The following ZNF385D variants were observed in gnomAD, a reference collection of about 807,000 sequenced individuals.
ZNF385D encodes zinc finger protein 659.
ZNF385D carries 15 observed loss-of-function variants against 35.8 expected under a neutral mutation model. The observed-to-expected ratio is 0.42, with a 90% CI of 0.28 to 0.64. The LOEUF (loss-of-function observed/expected upper bound fraction) is 0.64. ZNF385D is among the 30% of genes least tolerant of loss of function. The probability of loss-of-function intolerance (pLI) is 0.23; values close to 1 mark genes in which losing one functional copy is unlikely to be tolerated. For missense variants in ZNF385D, 474 were observed against 494.6 expected (o/e 0.96, Z 0.39); for synonymous variants, 212 against 186.8 (o/e 1.13, Z -1.10).
At chr3:22,232,088 C>T (rs1698927214) in intron 2 of ZNF385D, among the ~76,000 whole-genome samples, 1 of 152,132 alleles carries the variant, frequency 6.6e-6, no homozygotes, top group Non-Finnish European at 1.5e-5. Context: ...ATAAATTACA[C>T]AGTCTTAGGT....
chr3:22,083,075 T>A (rs2125586643), intron 3 of ZNF385D, among the ~76,000 whole-genome samples: 1 of 152,216 alleles, frequency 6.6e-6, no homozygotes, highest in East Asian at 1.9e-4. Context: ...CATCTGTAGG[T>A]CACCATCATC....
intron 3 of ZNF385D, among the ~76,000 whole-genome samples, chr3:21,876,345 G>A (rs1436154370): frequency 6.6e-6 from 1 of 151,250 alleles, no homozygotes; most frequent in African/African-American, 2.4e-5. Flanking sequence ...GGTCAAAACG[G>A]TATGGATATA....
chr3:21,585,185 A>G (rs2063775093), intron 2 of ZNF385D, among the ~76,000 whole-genome samples: 1 of 152,222 alleles, frequency 6.6e-6, no homozygotes, highest in Non-Finnish European at 1.5e-5. Context: ...TTGCAGGTAA[A>G]GGATTATTGT....
chr3:21,628,176 T>A (rs565297311), intron 2 of ZNF385D, among the ~76,000 whole-genome samples: 2 of 152,220 alleles, frequency 1.3e-5, no homozygotes, highest in South Asian at 4.1e-4. Context: ...ATAGGAAACC[T>A]GGAGCTAAAA....
At chr3:21,943,229 G>A (rs942479969) in intron 3 of ZNF385D, among the ~76,000 whole-genome samples, 5 of 151,738 alleles carry the variant, frequency 3.3e-5, no homozygotes, top group African/African-American at 1.2e-4. Context: ...TTATAAAAGC[G>A]ACTAGTAAAT....
chr3:21,872,195 G>C (rs906562165), intron 3 of ZNF385D, among the ~76,000 whole-genome samples: 1 of 151,514 alleles, frequency 6.6e-6, no homozygotes, highest in African/African-American at 2.4e-5. Flanking sequence ...CACAAAAACA[G>C]AACAGAAATT....
intron 3 of ZNF385D, among the ~76,000 whole-genome samples, chr3:22,141,568 C>T (rs1411048593): frequency 6.6e-6 from 1 of 152,090 alleles, no homozygotes; most frequent in Non-Finnish European, 1.5e-5. Context: ...GGACTTCAGC[C>T]TTAAGGGTCT....
chr3:22,031,357 T>A (rs572980522), intron 3 of ZNF385D, among the ~76,000 whole-genome samples: 1 of 152,186 alleles, frequency 6.6e-6, no homozygotes, highest in East Asian at 1.9e-4. Context: ...TGTCTGGACA[T>A]CCAGGTATTT....
intron 3 of ZNF385D, among the ~76,000 whole-genome samples, chr3:22,154,450 C>G (rs1426102328): frequency 1.3e-5 from 2 of 152,118 alleles, no homozygotes; most frequent in African/African-American, 4.8e-5. Context: ...CGTAAGAAAA[C>G]AGAAGAAAAT....
intron 3 of ZNF385D, among the ~76,000 whole-genome samples, chr3:21,810,835 T>A (rs1035827882): frequency 2.0e-4 from 31 of 152,058 alleles, no homozygotes; most frequent in Middle Eastern, 3.4e-3. Flanking sequence ...TGAGTATACA[T>A]TCCTGGTAGA....
chr3:22,217,115 A>T (rs186442379), intron 2 of ZNF385D, among the ~76,000 whole-genome samples: 64 of 152,296 alleles, frequency 4.2e-4, no homozygotes, highest in African/African-American at 1.5e-3. Flanking sequence ...AAGGACAGTG[A>T]ATTTGCAAGA....
At chr3:21,865,923 G>A in intron 3 of ZNF385D, among the ~76,000 whole-genome samples, 1 of 151,904 alleles carries the variant, frequency 6.6e-6, no homozygotes. Context: ...CTGTGATAAT[G>A]CGAAGGACAC....
chr3:21,683,695 T>C (rs1251356170), intron 1 of ZNF385D, among the ~76,000 whole-genome samples: 2 of 149,972 alleles, frequency 1.3e-5, no homozygotes, highest in African/African-American at 2.5e-5. Context: ...CTCCGGCTGG[T>C]TGCAGAAGCA....
intron 2 of ZNF385D, among the ~76,000 whole-genome samples, chr3:22,176,018 C>G (rs999355332): frequency 1.3e-5 from 2 of 151,232 alleles, no homozygotes; most frequent in African/African-American, 4.9e-5. Context: ...AAATAGTTCA[C>G]AAGCTGTAAA....
At chr3:21,759,586 A>G (rs1200537537) in intron 3 of ZNF385D, among the ~76,000 whole-genome samples, 2 of 152,150 alleles carry the variant, frequency 1.3e-5, no homozygotes, top group Admixed American at 1.3e-4. Context: ...CAATAACATG[A>G]GTTAATACAT....
intron 3 of ZNF385D, among the ~76,000 whole-genome samples, chr3:21,851,467 A>G (rs1289640341): frequency 6.6e-6 from 1 of 152,064 alleles, no homozygotes; most frequent in Non-Finnish European, 1.5e-5. Flanking sequence ...AAACTTGTAC[A>G]TGAATGTTCA....
intron 2 of ZNF385D, among the ~76,000 whole-genome samples, chr3:22,235,668 A>T (rs967141062): frequency 6.6e-6 from 1 of 152,134 alleles, no homozygotes; most frequent in African/African-American, 2.4e-5. Flanking sequence ...AAATATGCTC[A>T]AGTATATTTG....
intron 3 of ZNF385D, among the ~76,000 whole-genome samples, chr3:21,924,109 G>C (rs1218714327): frequency 3.3e-5 from 5 of 152,056 alleles, no homozygotes; most frequent in Non-Finnish European, 7.4e-5. Flanking sequence ...ATCAACTACA[G>C]AAATAAACAA....
chr3:22,029,719 G>T (rs996770122), intron 3 of ZNF385D, among the ~76,000 whole-genome samples: 2 of 152,100 alleles, frequency 1.3e-5, no homozygotes, highest in Non-Finnish European at 1.5e-5. Context: ...TTAACTTTCT[G>T]TAATAGTATT....
Sources: allele counts gnomAD v4.1 joint callset (sites outside exome capture counted in the v4.1 genomes callset), GRCh38; gene constraint gnomAD v4.1.1; transcripts MANE v1.5; gene names NCBI Gene and HGNC (gene_info 2026-07-23, HGNC 2026-07-21).